HMBOX1: variants seen among roughly 807,000 people sequenced by gnomAD.
HMBOX1 encodes homeobox-containing protein 1.
In HMBOX1, 14 loss-of-function variants were observed where a neutral mutation model predicts 54.5. The observed-to-expected ratio is 0.26, with a 90% CI of 0.17 to 0.40. The LOEUF (loss-of-function observed/expected upper bound fraction) is 0.40, where lower values mean the gene tolerates loss of function less well. Among genes scored for constraint, HMBOX1 ranks in the 10% least tolerant of loss-of-function variants. HMBOX1 has a pLI of 1.00. For missense variants in HMBOX1, 332 were observed against 514.4 expected (o/e 0.65, Z 3.43); for synonymous variants, 160 against 181.0 (o/e 0.88, Z 0.93).
chr8:28,946,533 G>A (rs1163219154), intron 1 of HMBOX1, among the ~76,000 whole-genome samples: 1 of 151,696 alleles, frequency 6.6e-6, no homozygotes, highest in Non-Finnish European at 1.5e-5. Flanking sequence ...TGGTGCCATT[G>A]CACTCCAGCC....
intron 1 of HMBOX1, among the ~76,000 whole-genome samples, chr8:28,922,593 AT>A (rs2131806685): frequency 6.6e-6 from 1 of 152,298 alleles, no homozygotes; most frequent in African/African-American, 2.4e-5. Flanking sequence ...AAAATTATGA[AT>A]TCTTACAGTA....
intron 3 of HMBOX1, 47 bp from the exon 4 acceptor site, chr8:28,980,024 T>G: frequency 2.9e-6 from 4 of 1,369,928 alleles, no homozygotes; most frequent in Non-Finnish European, 4.2e-6. Context: ...AGATGAGGAT[T>G]TCTACCTTCA....
chr8:29,049,094 G>A (rs776847857), intron 9 of HMBOX1, 46 bp downstream of exon 9: 3 of 1,566,010 alleles, frequency 1.9e-6, no homozygotes, highest in Non-Finnish European at 2.6e-6. Context: ...CCTGAGCAGG[G>A]GGTATAGTGG....
intron 1 of HMBOX1, among the ~76,000 whole-genome samples, chr8:28,923,175 C>G (rs910097398): frequency 2.6e-5 from 4 of 152,174 alleles, no homozygotes; most frequent in Admixed American, 6.5e-5. Context: ...AGCAGTCACT[C>G]CTAATTCTCT....
intron 4 of HMBOX1, among the ~76,000 whole-genome samples, chr8:28,994,477 G>T (rs951755878): frequency 1.3e-5 from 2 of 152,070 alleles, no homozygotes; most frequent in African/African-American, 4.8e-5. Context: ...TATGGATAAA[G>T]AACTAAATGA....
chr8:28,939,626 C>T (rs1820998142), intron 1 of HMBOX1, among the ~76,000 whole-genome samples: 1 of 152,066 alleles, frequency 6.6e-6, no homozygotes, highest in African/African-American at 2.4e-5. Context: ...TCTCCTGCCT[C>T]AGCCTCCCGA....
chr8:28,905,374 CAG>C (rs909522975), intron 1 of HMBOX1, among the ~76,000 whole-genome samples: 76 of 150,210 alleles, frequency 5.1e-4, no homozygotes, highest in Admixed American at 2.1e-3. Context: ...CACACACACG[CAG>C]AGAGAGAGAG....
At chr8:28,983,999 C>T in intron 4 of HMBOX1, among the ~76,000 whole-genome samples, 1 of 152,212 alleles carries the variant, frequency 6.6e-6, no homozygotes, top group Admixed American at 6.5e-5. Flanking sequence ...GGCAAGGCTT[C>T]TCTTTGCAGA....
intron 1 of HMBOX1, among the ~76,000 whole-genome samples, chr8:28,905,802 T>C (rs1477551632): frequency 6.6e-6 from 1 of 152,234 alleles, no homozygotes; most frequent in East Asian, 1.9e-4. Flanking sequence ...GGCCTTTATA[T>C]ACTAAGCCCC....
intron 1 of HMBOX1, among the ~76,000 whole-genome samples, chr8:28,905,963 G>A (rs982575969): frequency 1.2e-4 from 18 of 152,072 alleles, no homozygotes; most frequent in African/African-American, 3.9e-4. Flanking sequence ...GATTATATGC[G>A]TTTTCAGAAT....
chr8:28,947,133 C>T (rs753399820), intron 1 of HMBOX1, among the ~76,000 whole-genome samples: 3 of 152,150 alleles, frequency 2.0e-5, no homozygotes, highest in East Asian at 1.9e-4. Context: ...AGATGGAGAG[C>T]GTTTTTTCAT....
At chr8:28,909,387 C>G (rs1212263248) in intron 1 of HMBOX1, among the ~76,000 whole-genome samples, 2 of 152,044 alleles carry the variant, frequency 1.3e-5, no homozygotes, top group African/African-American at 4.8e-5. Flanking sequence ...AAATATGATA[C>G]AAGTCCAAAT....
At chr8:29,003,876 A>G (rs1196331519) in intron 4 of HMBOX1, among the ~76,000 whole-genome samples, 1 of 152,104 alleles carries the variant, frequency 6.6e-6, no homozygotes, top group African/African-American at 2.4e-5. Flanking sequence ...ATGATCTTCT[A>G]ATTAAAAAGG....
intron 3 of HMBOX1, among the ~76,000 whole-genome samples, chr8:28,976,446 C>T (rs920781480): frequency 1.3e-5 from 2 of 151,970 alleles, no homozygotes; most frequent in South Asian, 2.1e-4. Flanking sequence ...TGCCCAGTGG[C>T]GCAATCTTGG....
intron 4 of HMBOX1, among the ~76,000 whole-genome samples, chr8:28,984,610 C>G (rs540496961): frequency 6.6e-5 from 10 of 152,282 alleles, no homozygotes; most frequent in African/African-American, 2.4e-4. Flanking sequence ...GCAGCTGTTC[C>G]CACCAAGGGT....
Position 28,958,188 on chromosome 8 carries a change from A to G in HMBOX1, c.-57-5623A>G, listed in dbSNP as rs78211649. On this transcript the variant is annotated intron_variant, in intron 1 of 9. Coordinates refer to ENST00000287701, the MANE Select transcript of HMBOX1 (RefSeq NM_001135726.3). ...TGCTATATTGCCCAGGATAGTCTTG[A>G]ACTCCTGGCCTCAAGCAATCTTCTT... Among the ~76,000 whole-genome samples, 705 of 152,192 alleles carry G rather than the reference A, an allele frequency of 4.6e-3. 5 individuals are homozygous for G. The highest frequency in any genetic ancestry group is 0.016 in the African/African-American group (656 of 41,520).
chr8:29,033,994 T>C (rs1024621992), intron 6 of HMBOX1, among the ~76,000 whole-genome samples: 1 of 152,224 alleles, frequency 6.6e-6, no homozygotes, highest in Non-Finnish European at 1.5e-5. Flanking sequence ...TTTGTACCAA[T>C]CATTGTAATA....
intron 1 of HMBOX1, among the ~76,000 whole-genome samples, chr8:28,920,487 A>G (rs1247926663): frequency 6.6e-6 from 1 of 152,220 alleles, no homozygotes; most frequent in Non-Finnish European, 1.5e-5. Context: ...ATATTATATG[A>G]TTAGATTATC....
chr8:29,027,029 T>G (rs886096537), intron 6 of HMBOX1, among the ~76,000 whole-genome samples: 2 of 152,184 alleles, frequency 1.3e-5, no homozygotes, highest in Non-Finnish European at 2.9e-5. Context: ...TTTGTTGTTT[T>G]TAAAGAGGAC....
Sources: gnomAD v4.1 joint callset for allele counts (sites outside exome capture counted in the v4.1 genomes callset) on GRCh38, gnomAD v4.1.1 for gene constraint, MANE v1.5 for transcripts, NCBI Gene and HGNC (gene_info 2026-07-23, HGNC 2026-07-21) for gene names.